SEL1L: variants seen among roughly 807,000 people sequenced by gnomAD.
The protein encoded by SEL1L is SEL1L adaptor subunit of SYVN1 ubiquitin ligase.
SEL1L carries 52 observed loss-of-function variants against 109.8 expected under a neutral mutation model. The observed-to-expected ratio is 0.47, with a 90% CI of 0.38 to 0.60. The LOEUF is 0.60. Ranked by LOEUF, SEL1L falls within the 20% of genes least tolerant of loss-of-function variation. SEL1L has a pLI of 0.00. For missense variants in SEL1L, 749 were observed against 962.2 expected (o/e 0.78, Z 2.93); for synonymous variants, 373 against 339.6 (o/e 1.10, Z -1.08).
At position 81,530,655 on chromosome 14, in the gene SEL1L, A is replaced by G. The variant is rs191389352; in HGVS notation, c.71-2917T>C. The stretch of plus-strand genomic sequence containing the variant: ...TTATAACCTTTTCACTATTATCCTG[A>G]GAAAATGAAGAAATATCTTTTTAGT... On this transcript the variant is annotated intron_variant, in intron 1 of 20. Transcript: ENST00000336735. Among the ~76,000 whole-genome samples, 25 of 152,342 alleles carry G rather than the reference A, an allele frequency of 1.6e-4. No individual in the cohort carries two copies. In the East Asian group the frequency reaches 4.2e-3, roughly 26 times the overall value.
chr14:81,522,622 C>T (rs1231270133), intron 3 of SEL1L, among the ~76,000 whole-genome samples: 1 of 152,156 alleles, frequency 6.6e-6, no homozygotes, highest in Non-Finnish European at 1.5e-5. Context: ...ATAAAATTAA[C>T]TAGTGATGCA....
chr14:81,506,606 T>C (rs1460170599), intron 3 of SEL1L, among the ~76,000 whole-genome samples: 2 of 152,198 alleles, frequency 1.3e-5, no homozygotes, highest in African/African-American at 4.8e-5. Context: ...TGTTTCTGAA[T>C]GCTGTAAGTC....
At chr14:81,489,764 T>A (rs1883470020) in intron 13 of SEL1L, among the ~76,000 whole-genome samples, 1 of 152,116 alleles carries the variant, frequency 6.6e-6, no homozygotes, top group African/African-American at 2.4e-5. Flanking sequence ...GTGACAAAGA[T>A]ATACTTAGGA....
rs1001728988 is a variant in SEL1L at position 81,498,659 on chromosome 14, C to A, written c.892-165G>T. The A allele has an allele frequency of 2.4e-5, 13 of 540,580 alleles. 1 individual carries two copies. In the South Asian group the frequency reaches 3.7e-4, roughly 16 times the overall value. 33.5% of individuals were successfully genotyped at this position (540,580 alleles called of 1,614,324 possible). On this transcript the variant is annotated intron_variant, in intron 8 of 20. Transcript: ENST00000336735. ...TTAGGTTTTGAGGTAATGGATTCAG[C>A]AACTTCAACAAGAAGGCCATAGCTA...
chr14:81,527,823 C>A, intron 1 of SEL1L, 85 bp from the exon 2 acceptor site: 3 of 847,224 alleles, frequency 3.5e-6, no homozygotes, highest in Non-Finnish European at 5.7e-6. Flanking sequence ...AAAAGTATAG[C>A]AAATAATAAT....
At chr14:81,530,303 A>G in intron 1 of SEL1L, among the ~76,000 whole-genome samples, 1 of 152,198 alleles carries the variant, frequency 6.6e-6, no homozygotes, top group Non-Finnish European at 1.5e-5. Context: ...AGACCTGGAG[A>G]GCTAGGTCTG....
rs1302416872 is a variant in SEL1L, at chr14:81,474,242, CAG to C, written c.*2728_*2729del. The stretch of plus-strand genomic sequence containing the variant: ...GAAACTGAAACTTCAAACACAGAGA[CAG>C]AAAAAAAAAAAAAAACCCACCAATG... On this transcript the variant is annotated 3_prime_UTR_variant, in exon 21 of 21. Coordinates refer to ENST00000336735, the MANE Select transcript of SEL1L (RefSeq NM_005065.6). The C allele has an allele frequency of 7.8e-6, 1 of 127,820 alleles. No individual in the cohort carries two copies. The highest frequency in any genetic ancestry group is 3.1e-5 in the African/African-American group (1 of 31,962). The allele number at this position is 127,820 out of a possible 1,614,324, so 7.9% of individuals were successfully genotyped here. A position where few individuals can be genotyped will look rare whatever the true frequency, so the allele number is the denominator to read the frequency against.
chr14:81,510,198 T>G (rs560894902), intron 3 of SEL1L, among the ~76,000 whole-genome samples: 30 of 152,302 alleles, frequency 2.0e-4, no homozygotes, highest in African/African-American at 6.3e-4. Context: ...AATTAGAATG[T>G]GACTAGTGGA....
intron 15 of SEL1L, 149 bp from the exon 16 acceptor site, chr14:81,487,687 G>T: frequency 1.3e-6 from 2 of 1,503,480 alleles, no homozygotes; most frequent in Non-Finnish European, 1.8e-6. Flanking sequence ...CACTGATACA[G>T]ATTAATATAA....
rs549718955 is a variant in SEL1L at position 81,504,131 on chromosome 14, G to T, written c.614+70C>A. 6.7e-6 allele frequency: 6 copies of T among 900,666 alleles called. No homozygotes were observed. In the South Asian group the frequency reaches 1.0e-4, roughly 16 times the overall value. 55.8% of individuals were successfully genotyped at this position (900,666 alleles called of 1,614,324 possible). On this transcript the variant is annotated intron_variant, in intron 5 of 20. Coordinates refer to ENST00000336735, the MANE Select transcript of SEL1L (RefSeq NM_005065.6). ...CGTCTCTGGCAGTGCACTTTTTAAAGAATGTAGTTGCTATTTGTCTCAGTA... is the reference window on the plus strand; with the variant it reads ...CGTCTCTGGCAGTGCACTTTTTAAATAATGTAGTTGCTATTTGTCTCAGTA...
intron 18 of SEL1L, 144 bp from the exon 19 acceptor site, chr14:81,484,541 GC>G (rs986238630): frequency 1.1e-5 from 8 of 746,354 alleles, no homozygotes; most frequent in Non-Finnish European, 1.0e-5. Flanking sequence ...AATCCTTTCA[GC>G]CAAGTTATAA....
chr14:81,523,310 A>G (rs1415580911), intron 3 of SEL1L, among the ~76,000 whole-genome samples: 1 of 152,182 alleles, frequency 6.6e-6, no homozygotes, highest in African/African-American at 2.4e-5. Context: ...TTATGCCTGC[A>G]TAACAAAGCT....
At chr14:81,502,451 T>C (rs879875119) in intron 6 of SEL1L, among the ~76,000 whole-genome samples, 2 of 152,188 alleles carry the variant, frequency 1.3e-5, no homozygotes, top group Admixed American at 6.5e-5. Context: ...AAAGTAATTA[T>C]CTTCATATTT....
chr14:81,521,799 A>G (rs1447241268), intron 3 of SEL1L, among the ~76,000 whole-genome samples: 1 of 152,208 alleles, frequency 6.6e-6, no homozygotes, highest in Admixed American at 6.5e-5. Context: ...CTTATTAAAA[A>G]AAAAAGTTAA....
chr14:81,479,547 A>T, intron 20 of SEL1L, 65 bp downstream of exon 20: 1 of 1,516,212 alleles, frequency 6.6e-7, no homozygotes, highest in Non-Finnish European at 8.9e-7. Context: ...ACTTTTGAAA[A>T]ACAAACCTCC....
At position 81,473,689 on chromosome 14, in the gene SEL1L, T is replaced by A. The variant is rs1209175941; in HGVS notation, c.*3283A>T. On this transcript the variant is annotated 3_prime_UTR_variant, in exon 21 of 21. Transcript: ENST00000336735. ...TCATGACACATCTTGTTTTGAAATG[T>A]GCATGTGAAATGTTAGTCCGAACCT... 2 of 152,182 alleles carry A rather than the reference T, an allele frequency of 1.3e-5. No homozygotes were observed. The highest frequency in any genetic ancestry group is 1.3e-4 in the Admixed American group (2 of 15,268). 9.4% of individuals were successfully genotyped at this position (152,182 alleles called of 1,614,324 possible).
In SEL1L at chr14:81,487,747, A is replaced by T. The variant is rs1399384318; in HGVS notation, c.1483+108T>A. 2.8e-5 allele frequency: 43 copies of T among 1,538,428 alleles called. No homozygotes were observed. In the East Asian group the frequency reaches 8.0e-4, roughly 29 times the overall value. ...AAATCATTGAACTGGGAGAACATTT[A>T]ACCAGCCAGAATTTGATAGCACCCA... On this transcript the variant is annotated intron_variant, in intron 15 of 20. Coordinates refer to ENST00000336735, the MANE Select transcript of SEL1L (RefSeq NM_005065.6).
rs531770082 is a variant in SEL1L at position 81,471,916 on chromosome 14, T to C, written c.*5056A>G. On this transcript the variant is annotated 3_prime_UTR_variant, in exon 21 of 21. Transcript: ENST00000336735. ...ACTGATTAACGCTCACTTTTTCTTA[T>C]TCGTAAAAAAATACCCAAAAAGTAA... is the stretch of plus-strand genomic sequence containing the variant. The C allele has an allele frequency of 2.6e-5, 4 of 152,250 alleles. No homozygotes were observed. Among genetic ancestry groups the C allele is most frequent in the Non-Finnish European group, 4.4e-5 (3 of 68,060 alleles). 9.4% of individuals were successfully genotyped at this position (152,250 alleles called of 1,614,324 possible). A position where few individuals can be genotyped will look rare whatever the true frequency, so the allele number is the denominator to read the frequency against.
At chr14:81,500,082 G>A (rs951323381) in intron 6 of SEL1L, among the ~76,000 whole-genome samples, 1 of 149,658 alleles carries the variant, frequency 6.7e-6, no homozygotes, top group East Asian at 2.0e-4. Flanking sequence ...GCTAGTTTTT[G>A]TACTTTTTGG....
Sources: gnomAD v4.1 joint callset for allele counts (sites outside exome capture counted in the v4.1 genomes callset) on GRCh38, gnomAD v4.1.1 for gene constraint, MANE v1.5 for transcripts, NCBI Gene and HGNC (gene_info 2026-07-23, HGNC 2026-07-21) for gene names.